Variants in HEMK2 observed in about 807,000 individuals in gnomAD.
HEMK2 encodes the protein HemK methyltransferase 2, ETF1 glutamine and histone H4 lysine.
the HEMK2 span, among the ~76,000 whole-genome samples, chr21:28,580,704 ACTCC>A: frequency 1.3e-5 from 2 of 151,752 alleles, no homozygotes; most frequent in African/African-American, 4.8e-5. Flanking sequence ...CCTCCATGAA[ACTCC>A]CTCCAACCCA....
At chr21:28,707,330 A>T in the HEMK2 span, among the ~76,000 whole-genome samples, 5 of 149,322 alleles carry the variant, frequency 3.3e-5, no homozygotes, top group African/African-American at 1.2e-4. Flanking sequence ...ATCTCAGCTC[A>T]CTGCAACCTC....
At chr21:28,576,339 A>C in the HEMK2 span, among the ~76,000 whole-genome samples, 1 of 152,030 alleles carries the variant, frequency 6.6e-6, no homozygotes, top group East Asian at 1.9e-4. Context: ...AATATTAATG[A>C]TATTGACTAC....
At chr21:28,831,515 GAAAGAAAGAAGGAAAGAAGGAAA>G in the HEMK2 span, among the ~76,000 whole-genome samples, 1 of 91,132 alleles carries the variant, frequency 1.1e-5, no homozygotes, top group African/African-American at 5.2e-5. Flanking sequence ...AAGAAAGAAA[GAAAGAAAGAAGGAAAGAAGGAAA>G]GAAGGAAAGA....
At chr21:28,749,667 G>A in the HEMK2 span, among the ~76,000 whole-genome samples, 1 of 152,188 alleles carries the variant, frequency 6.6e-6, no homozygotes, top group Non-Finnish European at 1.5e-5. Context: ...AAGGCAATCT[G>A]TTTTAACATG....
chr21:28,769,466 A>C, the HEMK2 span, among the ~76,000 whole-genome samples: 1 of 152,236 alleles, frequency 6.6e-6, no homozygotes, highest in Non-Finnish European at 1.5e-5. Flanking sequence ...AGCAGCAGAT[A>C]TATGCCCTGG....
chr21:28,785,159 C>G, the HEMK2 span, among the ~76,000 whole-genome samples: 1 of 152,190 alleles, frequency 6.6e-6, no homozygotes, highest in South Asian at 2.1e-4. Flanking sequence ...ATCCAAACAT[C>G]AGAAGGAACA....
the HEMK2 span, among the ~76,000 whole-genome samples, chr21:28,749,266 G>A: frequency 0.19 from 29,442 of 152,056 alleles, 3,562 homozygotes; most frequent in African/African-American, 0.34. Context: ...ATACATATAT[G>A]TCTTTATAAT....
the HEMK2 span, among the ~76,000 whole-genome samples, chr21:28,730,217 A>C: frequency 6.6e-6 from 1 of 151,002 alleles, no homozygotes; most frequent in Non-Finnish European, 1.5e-5. Context: ...CATTGCCACA[A>C]AAAAAAAGTT....
the HEMK2 span, among the ~76,000 whole-genome samples, chr21:28,702,716 G>T: frequency 6.6e-6 from 1 of 152,200 alleles, no homozygotes; most frequent in African/African-American, 2.4e-5. Context: ...TGGTGGGAAT[G>T]TAAATTATTT....
chr21:28,603,084 G>A, the HEMK2 span, among the ~76,000 whole-genome samples: 2 of 152,106 alleles, frequency 1.3e-5, no homozygotes, highest in African/African-American at 4.8e-5. Flanking sequence ...CAGCTCCTTG[G>A]CCTCCAGTGG....
the HEMK2 span, among the ~76,000 whole-genome samples, chr21:28,881,894 T>A: frequency 6.6e-6 from 1 of 152,182 alleles, no homozygotes; most frequent in Non-Finnish European, 1.5e-5. Context: ...CACCTCAGCA[T>A]CCCAGAGTAC....
the HEMK2 span, among the ~76,000 whole-genome samples, chr21:28,736,987 G>A: frequency 2.0e-4 from 31 of 152,228 alleles, no homozygotes; most frequent in African/African-American, 7.0e-4. Context: ...TTGAGTAGCT[G>A]GGGAGATTTA....
At chr21:28,876,396 T>C in the HEMK2 span, 4 of 1,607,538 alleles carry the variant, frequency 2.5e-6, no homozygotes, top group South Asian at 4.4e-5. Flanking sequence ...TAAGACTTGG[T>C]GAACTTGAGG....
chr21:28,578,527 T>TG, the HEMK2 span, among the ~76,000 whole-genome samples: 12 of 152,300 alleles, frequency 7.9e-5, no homozygotes, highest in South Asian at 2.5e-3. Context: ...GGGGTTTCAC[T>TG]GGGGAACAGA....
the HEMK2 span, among the ~76,000 whole-genome samples, chr21:28,812,290 T>C: frequency 6.6e-6 from 1 of 152,178 alleles, no homozygotes; most frequent in African/African-American, 2.4e-5. Context: ...GGTCATAAAT[T>C]GCTCTTATTA....
chr21:28,694,991 C>CT, the HEMK2 span, among the ~76,000 whole-genome samples: 3 of 142,454 alleles, frequency 2.1e-5, no homozygotes, highest in African/African-American at 7.9e-5. Flanking sequence ...GAGCGAGACT[C>CT]TGTCTCAAAA....
At chr21:28,768,149 C>T in the HEMK2 span, among the ~76,000 whole-genome samples, 1 of 152,092 alleles carries the variant, frequency 6.6e-6, no homozygotes, top group Non-Finnish European at 1.5e-5. Flanking sequence ...GATGTTACTC[C>T]TCTGCCCAAA....
At chr21:28,695,015 A>G in the HEMK2 span, among the ~76,000 whole-genome samples, 2 of 148,630 alleles carry the variant, frequency 1.3e-5, no homozygotes, top group Non-Finnish European at 3.0e-5. Flanking sequence ...AAAAAAAAAG[A>G]TTCAACATTG....
chr21:28,849,102 T>C, the HEMK2 span, among the ~76,000 whole-genome samples: 1 of 151,674 alleles, frequency 6.6e-6, no homozygotes, highest in African/African-American at 2.4e-5. Context: ...CCCATCAGAG[T>C]GTTGTGGCCA....
Sources: gnomAD v4.1 joint callset for allele counts (sites outside exome capture counted in the v4.1 genomes callset) on GRCh38, gnomAD v4.1.1 for gene constraint, MANE v1.5 for transcripts, NCBI Gene and HGNC (gene_info 2026-07-23, HGNC 2026-07-21) for gene names.